EPN1: variants seen among roughly 807,000 people sequenced by gnomAD.
The protein encoded by EPN1 is epsin-1.
Under a neutral mutation model 56.9 loss-of-function variants are expected in EPN1, and 25 were observed. That is an observed-to-expected ratio of 0.44 (90% CI 0.32 to 0.61). The LOEUF (loss-of-function observed/expected upper bound fraction) is 0.61, where lower values mean the gene tolerates loss of function less well. EPN1 is among the 20% of genes least tolerant of loss of function. The pLI is 0.05. For synonymous variants in EPN1, 411 were observed against 361.8 expected (o/e 1.14, Z -1.54); for missense variants, 785 against 823.7 (o/e 0.95, Z 0.58).
rs1284178497 is a variant in EPN1 at position 55,702,679 on chromosome 19, G to A, written c.*7323G>A. The A allele has an allele frequency of 1.3e-5, 2 of 152,190 alleles. No individual in the cohort carries two copies. Among genetic ancestry groups the A allele is most frequent in the Non-Finnish European group, 2.9e-5 (2 of 68,044 alleles). The allele number at this position is 152,190 out of a possible 1,614,324, so 9.4% of individuals were successfully genotyped here. A position where few individuals can be genotyped will look rare whatever the true frequency, so the allele number is the denominator to read the frequency against. ...AAGTTTTTTGCTGGGGACTCTCTTC[G>A]CCCTATCTACCTAAATGATTTCTGT... On this transcript the variant is annotated 3_prime_UTR_variant, in exon 11 of 11. Transcript: ENST00000270460.
intron 1 of EPN1, 84 bp from the exon 2 acceptor site, chr19:55,678,443 C>A: frequency 7.5e-7 from 1 of 1,329,412 alleles, no homozygotes; most frequent in Non-Finnish European, 1.0e-6. Flanking sequence ...TTCTGGGCCA[C>A]AGTTAGGAAC....
At chr19:55,679,177 G>T (rs1016821776) in intron 2 of EPN1, among the ~76,000 whole-genome samples, 3 of 152,180 alleles carry the variant, frequency 2.0e-5, no homozygotes, top group Non-Finnish European at 2.9e-5. Context: ...TTCCGCTCTG[G>T]GCCCCATCTA....
At position 55,694,944 on chromosome 19, in the gene EPN1, C is replaced by T. The variant is rs754779778; in HGVS notation, c.1483C>T (p.Pro495Ser). 1 of 1,559,026 alleles carries T rather than the reference C, an allele frequency of 6.4e-7. No homozygotes were observed. The highest frequency in any genetic ancestry group is 8.7e-7 in the Non-Finnish European group (1 of 1,152,492). ...GCTGGTGAGCCGGCCGGGCCCCACGCCGCCTGGAGCCAAGGCCTCCAACCC... is the reference window on the plus strand; with the variant it reads ...GCTGGTGAGCCGGCCGGGCCCCACGTCGCCTGGAGCCAAGGCCTCCAACCC... Reference protein sequence around the residue: ...DSLVSRPGPTPPGAKASNPFL... With the variant: ...DSLVSRPGPTSPGAKASNPFL... Residue 495 changes from proline to serine, a missense_variant, in exon 10 of 11, where the codon CCG becomes TCG. Coordinates refer to ENST00000270460, the MANE Select transcript of EPN1 (RefSeq NM_001130072.2). This position sits in a 1 kb window ranked among gnomAD's most constrained non-coding sequence, Gnocchi z 4.2.
chr19:55,684,575 T>C (rs924382980), intron 2 of EPN1, among the ~76,000 whole-genome samples: 12 of 152,342 alleles, frequency 7.9e-5, no homozygotes, highest in African/African-American at 2.4e-4. Flanking sequence ...CCTGTCCTTT[T>C]GCTCCTGGTG....
rs1309625376 is a variant in EPN1, at chr19:55,709,255, A to G, written c.*13899A>G. 5.7e-6 allele frequency: 2 copies of G among 348,168 alleles called. No homozygotes were observed. Among genetic ancestry groups the G allele is most frequent in the Non-Finnish European group, 1.0e-5 (2 of 194,568 alleles). 21.6% of individuals were successfully genotyped at this position (348,168 alleles called of 1,614,324 possible). ...CATAAAGTGAAATTTCATATACAGG[A>G]TGTATCAATTAAGATTTAATTCAAA... On this transcript the variant is annotated 3_prime_UTR_variant, in exon 11 of 11. Transcript: ENST00000270460.
chr19:55,708,707 C>A lies in EPN1; in HGVS notation c.*13351C>A. On this transcript the variant is annotated 3_prime_UTR_variant, in exon 11 of 11. Transcript: ENST00000270460. ...CAAGGCAGGATGGGATTTCTAAAGA[C>A]AAGGGGATATAGGACCGAGGCAAAG... 2.4e-6 allele frequency: 1 copy of A among 408,992 alleles called. No homozygotes were observed. Among genetic ancestry groups the A allele is most frequent in the Admixed American group, 4.2e-5 (1 of 23,748 alleles). The allele number at this position is 408,992 out of a possible 1,614,324, so 25.3% of individuals were successfully genotyped here.
In EPN1 at chr19:55,688,884, G is replaced by C. The variant is rs1170037379; in HGVS notation, c.493G>C (p.Val165Leu). The change falls in exon 4 of 11, where the codon GTG becomes CTG. Residue 165 changes from valine (V) to leucine (L), a missense_variant. Physicochemically the swap from Val to Leu is conservative, Grantham distance 32. This residue lies in a region of EPN1 where 650 missense variants were observed against 605.0 expected (regional missense o/e 1.07). Coordinates refer to ENST00000270460, the MANE Select transcript of EPN1 (RefSeq NM_001130072.2). ...AQTATASSAA[V>L]GSGPPPEAEQ... Reference sequence around the variant, plus strand: ...CCGCCCTCCAGCCTCATCAGCAGCTGTGGGCTCAGGCCCCCCTCCCGAGGC... The same window carrying C: ...CCGCCCTCCAGCCTCATCAGCAGCTCTGGGCTCAGGCCCCCCTCCCGAGGC... 1 of 1,578,550 alleles carries C rather than the reference G, an allele frequency of 6.3e-7. No homozygotes were observed. The highest frequency in any genetic ancestry group is 1.3e-5 in the African/African-American group (1 of 74,282).
chr19:55,690,175 T>C (rs139148311), intron 6 of EPN1, among the ~76,000 whole-genome samples: 262 of 152,338 alleles, frequency 1.7e-3, no homozygotes, highest in African/African-American at 6.1e-3. Context: ...TGGTCAGCGC[T>C]GGCCATCCCC....
chr19:55,678,385 C>A, intron 1 of EPN1, 142 bp from the exon 2 acceptor site: 2 of 892,158 alleles, frequency 2.2e-6, no homozygotes, highest in Non-Finnish European at 3.3e-6. Context: ...GGAACTGAAA[C>A]ATGGATGGGG....
intron 2 of EPN1, among the ~76,000 whole-genome samples, chr19:55,683,472 C>T (rs1985963252): frequency 6.6e-6 from 1 of 152,188 alleles, no homozygotes; most frequent in African/African-American, 2.4e-5. Context: ...CCACCTCAGC[C>T]TCCTGAGTAG....
rs763047041 is a variant in EPN1, at chr19:55,694,690, C to T, written c.1265-36C>T. 1 of 1,526,302 alleles carries T rather than the reference C, an allele frequency of 6.6e-7. No individual in the cohort carries two copies. The highest frequency in any genetic ancestry group is 8.8e-7 in the Non-Finnish European group (1 of 1,137,832). 94.5% of individuals were successfully genotyped at this position (1,526,302 alleles called of 1,614,324 possible). A position where few individuals can be genotyped will look rare whatever the true frequency, so the allele number is the denominator to read the frequency against. On this transcript the variant is annotated intron_variant, in intron 9 of 10. Transcript: ENST00000270460. The surrounding 1 kb of genome is among the most constrained non-coding windows in gnomAD (Gnocchi z 4.2). Reference sequence around the variant, plus strand: ...TCCCGGGTTGGAGCCTCACTGCTGTCTGCCCTGTCTGAGCCCCTCTCCCGG... The same window carrying T: ...TCCCGGGTTGGAGCCTCACTGCTGTTTGCCCTGTCTGAGCCCCTCTCCCGG...
chr19:55,695,484 TCA>T lies in EPN1; in HGVS notation c.*132_*133del. ...TGCCCTTCCCCTTCCTGGGGCCCAC[TCA>T]CACTACACCCTCTTCCTTTCCCACC... On this transcript the variant is annotated 3_prime_UTR_variant, in exon 11 of 11. Transcript: ENST00000270460. The surrounding 1 kb of genome is among the most constrained non-coding windows in gnomAD (Gnocchi z 4.4). The T allele has an allele frequency of 1.6e-6, 1 of 615,276 alleles. No homozygotes were observed. Among genetic ancestry groups the T allele is most frequent in the Non-Finnish European group, 2.9e-6 (1 of 348,754 alleles). The allele number at this position is 615,276 out of a possible 1,614,324, so 38.1% of individuals were successfully genotyped here.
rs546176983 is a variant in EPN1, at chr19:55,702,349, G to T, written c.*6993G>T. 1 of 152,450 alleles carries T rather than the reference G, an allele frequency of 6.6e-6. No individual in the cohort carries two copies. The highest frequency in any genetic ancestry group is 1.9e-4 in the East Asian group (1 of 5,184). The allele number at this position is 152,450 out of a possible 1,614,324, so 9.4% of individuals were successfully genotyped here. On this transcript the variant is annotated 3_prime_UTR_variant, in exon 11 of 11. Coordinates refer to ENST00000270460, the MANE Select transcript of EPN1 (RefSeq NM_001130072.2). ...TCTGTGTGTGCTAAAAGGGGAGGGA[G>T]TGTTTCTGTGCCCATTCCCAGGCAC...
chr19:55,677,652 C>G (rs566472226), intron 1 of EPN1: 1 of 1,551,622 alleles, frequency 6.4e-7, no homozygotes, highest in South Asian at 1.2e-5. Flanking sequence ...CTGTTAGGTT[C>G]CTTATCTCTC....
Position 55,689,500 on chromosome 19 carries a change from T to G in EPN1, c.678+129T>G. ...CCACAGGCTCACGCGTGTTGAAACC[T>G]CAGTACCTTCAGCCGTAGGATGTAG... is the stretch of plus-strand genomic sequence containing the variant. On this transcript the variant is annotated intron_variant, in intron 5 of 10. Transcript: ENST00000270460. This position sits in a 1 kb window ranked among gnomAD's most constrained non-coding sequence, Gnocchi z 5.7. 1.5e-6 allele frequency: 1 copy of G among 688,182 alleles called. No homozygotes were observed. Among genetic ancestry groups the G allele is most frequent in the Non-Finnish European group, 2.5e-6 (1 of 394,130 alleles). The allele number at this position is 688,182 out of a possible 1,614,324, so 42.6% of individuals were successfully genotyped here. A position where few individuals can be genotyped will look rare whatever the true frequency, so the allele number is the denominator to read the frequency against.
chr19:55,678,933 C>A, intron 2 of EPN1, 78 bp downstream of exon 2: 1 of 988,140 alleles, frequency 1.0e-6, no homozygotes, highest in Non-Finnish European at 1.5e-6. Flanking sequence ...TGCACCCTGC[C>A]TGGGATGGCA....
rs1986897654 is a variant in EPN1, at chr19:55,696,103, A to T, written c.*747A>T. 6.6e-6 allele frequency: 1 copy of T among 152,334 alleles called. No homozygotes were observed. Among genetic ancestry groups the T allele is most frequent in the Non-Finnish European group, 1.5e-5 (1 of 68,224 alleles). 9.4% of individuals were successfully genotyped at this position (152,334 alleles called of 1,614,324 possible). Reference sequence around the variant, plus strand: ...GTTCAGGGAGGAGAAGAATCCTGAGAGATGGCACATGTGCAACACAGGTCA... The same window carrying T: ...GTTCAGGGAGGAGAAGAATCCTGAGTGATGGCACATGTGCAACACAGGTCA... On this transcript the variant is annotated 3_prime_UTR_variant, in exon 11 of 11. Coordinates refer to ENST00000270460, the MANE Select transcript of EPN1 (RefSeq NM_001130072.2).
intron 2 of EPN1, among the ~76,000 whole-genome samples, chr19:55,683,938 A>G (rs1034120955): frequency 5.9e-5 from 9 of 152,246 alleles, no homozygotes; most frequent in Admixed American, 6.5e-5. Context: ...TATGTGTTGT[A>G]TGTGCGTTAT....
At chr19:55,693,340 A>G in intron 9 of EPN1, 1 of 366,204 alleles carries the variant, frequency 2.7e-6, no homozygotes, top group Non-Finnish European at 5.1e-6. Flanking sequence ...CAAACTCTCC[A>G]GGTGTCTCAA....
Sources: gnomAD v4.1 joint callset for allele counts (sites outside exome capture counted in the v4.1 genomes callset) on GRCh38, gnomAD v4.1.1 for gene constraint, gnomAD v4.1.1 regional missense constraint, Gnocchi (gnomAD v3.1) non-coding constraint, MANE v1.5 for transcripts, NCBI Gene and HGNC (gene_info 2026-07-23, HGNC 2026-07-21) for gene names.